Variants in AGAP1 observed in about 807,000 individuals in gnomAD.
The protein encoded by AGAP1 is arf-GAP with GTPase, ANK repeat and PH domain-containing protein 1.
In AGAP1, 29 loss-of-function variants were observed where a neutral mutation model predicts 105.3. That is an observed-to-expected ratio of 0.28 (90% CI 0.21 to 0.38). The LOEUF (loss-of-function observed/expected upper bound fraction) is 0.38, where lower values mean the gene tolerates loss of function less well. Among genes scored for constraint, AGAP1 ranks in the 10% least tolerant of loss-of-function variants. AGAP1 has a pLI of 1.00. For synonymous variants in AGAP1, 509 were observed against 485.9 expected (o/e 1.05, Z -0.63); for missense variants, 998 against 1,165.1 (o/e 0.86, Z 2.09).
rs112550603 is a variant in AGAP1, at chr2:235,934,864, C to T, written c.1483+3941C>T. 1.4e-3 allele frequency among the ~76,000 whole-genome samples: 215 copies of T among 152,254 alleles called. No homozygotes were observed. The highest frequency in any genetic ancestry group is 5.0e-3 in the African/African-American group (209 of 41,542). ...CTCTTACTCTAAAACATAATAATCA[C>T]GGCAACATTGGGATTCACTGTTTCT... On this transcript the variant is annotated intron_variant, in intron 12 of 17. Transcript: ENST00000304032. The surrounding 1 kb of genome is among the most constrained non-coding windows in gnomAD (Gnocchi z 4.9).
intron 1 of AGAP1, among the ~76,000 whole-genome samples, chr2:235,676,282 C>T (rs1948732137): frequency 6.6e-6 from 1 of 152,250 alleles, no homozygotes; most frequent in African/African-American, 2.4e-5. Context: ...ACCTTGCATA[C>T]ATGCCTGCCA....
chr2:236,074,827 T>C (rs1318057550), intron 16 of AGAP1, among the ~76,000 whole-genome samples: 1 of 152,136 alleles, frequency 6.6e-6, no homozygotes, highest in Non-Finnish European at 1.5e-5. Context: ...GGCTGAAGCA[T>C]GCGCATCAGT....
At chr2:235,784,619 A>G (rs1011218479) in intron 6 of AGAP1, among the ~76,000 whole-genome samples, 1 of 142,936 alleles carries the variant, frequency 7.0e-6, no homozygotes, top group African/African-American at 2.5e-5. Flanking sequence ...AAAAAAAACC[A>G]TGAAAAGTTT....
intron 1 of AGAP1, among the ~76,000 whole-genome samples, chr2:235,523,880 G>T (rs531686700): frequency 6.6e-6 from 1 of 152,080 alleles, no homozygotes; most frequent in East Asian, 1.9e-4. Flanking sequence ...TCACCACCCT[G>T]TGACCTGACC....
chr2:235,979,126 T>C lies in AGAP1; in HGVS notation c.1645+10503T>C, dbSNP rs184391628. ...GACAGAAGTGTATTTGTGGGGTTTT[T>C]TTGTTGTTGTTTTTGTTTTTTTTTT... On this transcript the variant is annotated intron_variant, in intron 13 of 17. Transcript: ENST00000304032. The surrounding 1 kb of genome is among the most constrained non-coding windows in gnomAD (Gnocchi z 4.5). 6.6e-6 allele frequency among the ~76,000 whole-genome samples: 1 copy of C among 151,286 alleles called. No homozygotes were observed. The highest frequency in any genetic ancestry group is 6.6e-5 in the Admixed American group (1 of 15,260).
chr2:235,880,396 T>C (rs1258086159), intron 9 of AGAP1, among the ~76,000 whole-genome samples: 1 of 151,952 alleles, frequency 6.6e-6, no homozygotes, highest in Non-Finnish European at 1.5e-5. Flanking sequence ...GCATCTGTAA[T>C]CTCCTGGTGA....
chr2:235,869,004 C>A (rs1033188049), intron 9 of AGAP1, among the ~76,000 whole-genome samples: 1 of 152,144 alleles, frequency 6.6e-6, no homozygotes. Context: ...ATCAGTCTTT[C>A]TGATATGTCA....
rs756400773 is a variant in AGAP1 at position 235,908,699 on chromosome 2, T to A, written c.1156-39T>A. On this transcript the variant is annotated intron_variant, in intron 10 of 17. Transcript: ENST00000304032. This position sits in a 1 kb window ranked among gnomAD's most constrained non-coding sequence, Gnocchi z 4.4. Reference sequence around the variant, plus strand: ...TTCTAGGTTGTAAAAGGTCTTTTTTTTTTTTTTATCTCTCTTGGATGTTTA... The same window carrying A: ...TTCTAGGTTGTAAAAGGTCTTTTTTATTTTTTTATCTCTCTTGGATGTTTA... 2.6e-6 allele frequency: 4 copies of A among 1,538,148 alleles called. No individual in the cohort carries two copies. The East Asian group carries it at 9.1e-5, about 35-fold the overall frequency.
In AGAP1 at chr2:235,893,791, C is replaced by T. The variant is rs1288855168; in HGVS notation, c.1155+10342C>T. On this transcript the variant is annotated intron_variant, in intron 10 of 17. Coordinates refer to ENST00000304032, the MANE Select transcript of AGAP1 (RefSeq NM_001037131.3). This position sits in a 1 kb window ranked among gnomAD's most constrained non-coding sequence, Gnocchi z 4.7. ...ACACCGGTCACAGTGACTTGAGTGCCACCACAATGAAGTTTCCAATCGTGT... is the reference window on the plus strand; with the variant it reads ...ACACCGGTCACAGTGACTTGAGTGCTACCACAATGAAGTTTCCAATCGTGT... Among the ~76,000 whole-genome samples, 1 of 152,122 alleles carries T rather than the reference C, an allele frequency of 6.6e-6. No homozygotes were observed. The highest frequency in any genetic ancestry group is 1.5e-5 in the Non-Finnish European group (1 of 68,026).
rs907785277 is a variant in AGAP1 at position 235,635,200 on chromosome 2, C to A, written c.164-73979C>A. ...GTGTTGATGCCAGCCTTACCCTGACCCTGTGTGTGGCAGCAGTGGGTCGGT... is the reference window on the plus strand; with the variant it reads ...GTGTTGATGCCAGCCTTACCCTGACACTGTGTGTGGCAGCAGTGGGTCGGT... On this transcript the variant is annotated intron_variant, in intron 1 of 17. Transcript: ENST00000304032. This position sits in a 1 kb window ranked among gnomAD's most constrained non-coding sequence, Gnocchi z 5.3. 1.3e-5 allele frequency among the ~76,000 whole-genome samples: 2 copies of A among 152,104 alleles called. No individual in the cohort carries two copies. Among genetic ancestry groups the A allele is most frequent in the African/African-American group, 2.4e-5 (1 of 41,418 alleles).
At chr2:235,684,546 CTT>C (rs923288834) in intron 1 of AGAP1, among the ~76,000 whole-genome samples, 1 of 152,198 alleles carries the variant, frequency 6.6e-6, no homozygotes, top group African/African-American at 2.4e-5. Context: ...TGGACTGTAA[CTT>C]TTGCAGCAAC....
intron 16 of AGAP1, among the ~76,000 whole-genome samples, chr2:236,059,603 T>C (rs1257114578): frequency 1.3e-5 from 2 of 152,194 alleles, no homozygotes; most frequent in Non-Finnish European, 2.9e-5. Flanking sequence ...CTGTGTGATA[T>C]TGGTGTAAAA....
chr2:235,661,481 T>C (rs1285349055), intron 1 of AGAP1, among the ~76,000 whole-genome samples: 3 of 142,478 alleles, frequency 2.1e-5, no homozygotes, highest in Non-Finnish European at 4.5e-5. Flanking sequence ...GGGGCAGTGA[T>C]AGTTTCAAGG....
Position 236,046,425 on chromosome 2 carries a change from G to C in AGAP1, c.1892-2634G>C, listed in dbSNP as rs1472494590. Among the ~76,000 whole-genome samples, 1 of 152,186 alleles carries C rather than the reference G, an allele frequency of 6.6e-6. No individual in the cohort carries two copies. The highest frequency in any genetic ancestry group is 6.5e-5 in the Admixed American group (1 of 15,276). On this transcript the variant is annotated intron_variant, in intron 15 of 17. Transcript: ENST00000304032. The surrounding 1 kb of genome is among the most constrained non-coding windows in gnomAD (Gnocchi z 5.2). ...GATGCTGGTGAGGACGCCCATGGGA[G>C]CATAAGTTCGAGAAGAAAGCGTTGG...
Position 236,109,961 on chromosome 2 carries a change from C to A in AGAP1, c.2115-10231C>A, listed in dbSNP as rs1207047837. Among the ~76,000 whole-genome samples, 1 of 152,106 alleles carries A rather than the reference C, an allele frequency of 6.6e-6. No individual in the cohort carries two copies. The highest frequency in any genetic ancestry group is 1.5e-5 in the Non-Finnish European group (1 of 68,030). On this transcript the variant is annotated intron_variant, in intron 16 of 17. Coordinates refer to ENST00000304032, the MANE Select transcript of AGAP1 (RefSeq NM_001037131.3). This position sits in a 1 kb window ranked among gnomAD's most constrained non-coding sequence, Gnocchi z 5.4. ...GCATGAGAAAATGATGCTGTGGATC[C>A]ACCTAGACTCTCAAAGCCCAGAGAG...
chr2:235,916,060 A>G (rs990092473), intron 11 of AGAP1, among the ~76,000 whole-genome samples: 3 of 152,244 alleles, frequency 2.0e-5, no homozygotes, highest in Admixed American at 1.3e-4. Context: ...AAAGACGACT[A>G]CTAATCAAAT....
chr2:235,521,448 C>T (rs1942609682), intron 1 of AGAP1, among the ~76,000 whole-genome samples: 1 of 152,102 alleles, frequency 6.6e-6, no homozygotes, highest in Non-Finnish European at 1.5e-5. Context: ...TTCACCTTGT[C>T]GTCTTCTCTT....
At chr2:235,808,895 T>C (rs1184231005) in intron 9 of AGAP1, among the ~76,000 whole-genome samples, 1 of 152,186 alleles carries the variant, frequency 6.6e-6, no homozygotes, top group East Asian at 1.9e-4. Flanking sequence ...TTGCTTATTC[T>C]TTCTTGGTGC....
chr2:235,518,532 G>T (rs1479891151), intron 1 of AGAP1, among the ~76,000 whole-genome samples: 1 of 152,122 alleles, frequency 6.6e-6, no homozygotes. Context: ...GAGCCAGGGC[G>T]GAAGCTGCAG....
Sources: gnomAD v4.1 joint callset for allele counts (sites outside exome capture counted in the v4.1 genomes callset) on GRCh38, gnomAD v4.1.1 for gene constraint, Gnocchi (gnomAD v3.1) non-coding constraint, MANE v1.5 for transcripts, NCBI Gene and HGNC (gene_info 2026-07-23, HGNC 2026-07-21) for gene names.